TYMS: variants seen among roughly 807,000 people sequenced by gnomAD.
TYMS encodes the protein thymidylate synthetase, also known as thymidylate synthase.
Under a neutral mutation model 39.3 loss-of-function variants are expected in TYMS, and 21 were observed. That is an observed-to-expected ratio of 0.54 (90% CI 0.38 to 0.77). The LOEUF is 0.77. TYMS is among the 30% of genes least tolerant of loss of function. The pLI is 0.00. For synonymous variants in TYMS, 171 were observed against 162.2 expected, an observed-to-expected ratio of 1.05 and a Z score of -0.41; for missense variants, 273 against 406.7, an observed-to-expected ratio of 0.67 and a Z score of 2.83.
In TYMS at chr18:657,836, C is replaced by G. The variant is rs1034044510; in HGVS notation, c.94C>G (p.Gln32Glu). 5 of 1,488,360 alleles carry G rather than the reference C, an allele frequency of 3.4e-6. No individual in the cohort carries two copies. The highest frequency in any genetic ancestry group is 5.1e-5 in the Admixed American group (2 of 38,946). The allele number at this position is 1,488,360 out of a possible 1,614,324, so 92.2% of individuals were successfully genotyped here. A position where few individuals can be genotyped will look rare whatever the true frequency, so the allele number is the denominator to read the frequency against. Residue 32 changes from glutamine to glutamate, a missense_variant, in exon 1 of 7, where the codon CAG becomes GAG. Gln to Glu is a conservative substitution (Grantham distance 29). Coordinates refer to ENST00000323274, the MANE Select transcript of TYMS (RefSeq NM_001071.4). ...GCCGCGTCCGCCGCACGGGGAGCTG[C>G]AGTACCTGGGGCAGATCCAACACAT... ...AEPRPPHGEL[Q>E]YLGQIQHILR...
In TYMS at chr18:657,889, C is replaced by T; in HGVS notation, c.147C>T (p.Asp49=). ...TCCGCTGCGGCGTCAGGAAGGACGA[C>T]CGCACGGGCACCGGCACCCTGTCGG... The part of the protein sequence containing the change: ...HILRCGVRKD[D]RTGTGTLSVF... Residue 49 remains aspartate (D), a synonymous_variant, in exon 1 of 7, where the codon GAC becomes GAT. Coordinates refer to ENST00000323274, the MANE Select transcript of TYMS (RefSeq NM_001071.4). 2.0e-6 allele frequency: 3 copies of T among 1,512,680 alleles called. No homozygotes were observed. Among genetic ancestry groups the T allele is most frequent in the African/African-American group, 1.4e-5 (1 of 70,850 alleles). 93.7% of individuals were successfully genotyped at this position (1,512,680 alleles called of 1,614,324 possible).
Position 673,158 on chromosome 18 carries a change from G to GT in TYMS, c.*162dup, listed in dbSNP as rs2144427713. The GT allele has an allele frequency of 2.8e-6, 2 of 703,620 alleles. No individual in the cohort carries two copies. Among genetic ancestry groups the GT allele is most frequent in the Non-Finnish European group, 4.3e-6 (2 of 461,312 alleles). 43.6% of individuals were successfully genotyped at this position (703,620 alleles called of 1,614,324 possible). On this transcript the variant is annotated 3_prime_UTR_variant, in exon 7 of 7. Coordinates refer to ENST00000323274, the MANE Select transcript of TYMS (RefSeq NM_001071.4). ...TTTAAGGATGTTGCCACTGGCAAAT[G>GT]TAACTGTGCCAGTTCTTTCCATAAT...
At chr18:659,828 C>A in intron 2 of TYMS, 114 bp downstream of exon 2, 4 of 948,036 alleles carry the variant, frequency 4.2e-6, no homozygotes, top group Non-Finnish European at 6.8e-6. Flanking sequence ...GTAATCCCAC[C>A]ACTTTGGGAG....
intron 3 of TYMS, among the ~76,000 whole-genome samples, chr18:665,881 A>G (rs2074807350): frequency 1.0e-5 from 1 of 97,774 alleles, no homozygotes; most frequent in African/African-American, 6.7e-5. Flanking sequence ...TCTGAGAGAT[A>G]GTTTGTTATA....
chr18:670,526 G>C, intron 4 of TYMS, 166 bp from the exon 5 acceptor site: 6 of 665,416 alleles, frequency 9.0e-6, no homozygotes, highest in Non-Finnish European at 1.5e-5. Flanking sequence ...CCTCAGCTCC[G>C]TGCCATCGCT....
intron 2 of TYMS, 93 bp from the exon 3 acceptor site, chr18:662,053 C>T (rs1026903614): frequency 2.0e-5 from 28 of 1,372,548 alleles, no homozygotes; most frequent in Non-Finnish European, 2.7e-5. Context: ...TCAGCAGGGG[C>T]CAGAGGCCCT....
At position 660,158 on chromosome 18, in the gene TYMS, G is replaced by A. The variant is rs939007950; in HGVS notation, c.279+444G>A. On this transcript the variant is annotated intron_variant, in intron 2 of 6. Coordinates refer to ENST00000323274, the MANE Select transcript of TYMS (RefSeq NM_001071.4). The surrounding 1 kb of genome is among the most constrained non-coding windows in gnomAD (Gnocchi z 4.6). Reference sequence around the variant, plus strand: ...CTCCATTTCACTCAGTAAGAGCCACGGTCCTTATGGTGTCCGTTTTTCAGC... The same window carrying A: ...CTCCATTTCACTCAGTAAGAGCCACAGTCCTTATGGTGTCCGTTTTTCAGC... Among the ~76,000 whole-genome samples the A allele has an allele frequency of 6.6e-5, 10 of 152,254 alleles. No homozygotes were observed. The East Asian group carries it at 9.7e-4, about 15-fold the overall frequency.
chr18:667,565 T>A lies in TYMS; in HGVS notation c.455-1507T>A, dbSNP rs201179564. Among the ~76,000 whole-genome samples the A allele has an allele frequency of 2.3e-3, 139 of 60,260 alleles. 18 individuals are homozygous for A. The highest frequency in any genetic ancestry group is 3.7e-3 in the Admixed American group (23 of 6,244). The allele number at this position is 60,260 out of a possible 152,430, so 39.5% of individuals were successfully genotyped here. On this transcript the variant is annotated intron_variant, in intron 3 of 6. Coordinates refer to ENST00000323274, the MANE Select transcript of TYMS (RefSeq NM_001071.4). ...GTGATGGTGATGGAGATGGTGATGG[T>A]GATGGAGATGGTGATGGTGATGGTG...
intron 3 of TYMS, among the ~76,000 whole-genome samples, chr18:666,974 GA>G (rs111482058): frequency 5.8e-4 from 5 of 8,622 alleles, no homozygotes; most frequent in Non-Finnish European, 1.3e-3. Context: ...GATGGTGATG[GA>G]GATGGAGATG....
intron 3 of TYMS, among the ~76,000 whole-genome samples, chr18:665,209 C>G (rs1334895734): frequency 9.3e-5 from 14 of 150,994 alleles, no homozygotes. Context: ...TGTTATTGGT[C>G]TATTCAGAGA....
intron 3 of TYMS, among the ~76,000 whole-genome samples, chr18:666,933 T>TGATGGTGATGGCGATGGA (rs2074834441): frequency 2.1e-5 from 1 of 47,788 alleles, no homozygotes; most frequent in African/African-American, 7.7e-5. Context: ...ATGGTGATGG[T>TGATGGTGATGGCGATGGA]GATGGAGATG....
In TYMS at chr18:669,100, G is replaced by A; in HGVS notation, c.483G>A (p.Leu161=). The A allele has an allele frequency of 6.2e-7, 1 of 1,614,208 alleles. No homozygotes were observed. Among genetic ancestry groups the A allele is most frequent in the Non-Finnish European group, 8.5e-7 (1 of 1,180,012 alleles). Residue 161 remains leucine, a synonymous_variant, in exon 4 of 7, where the codon CTG becomes CTA. Transcript: ENST00000323274. ...ATTCAGGACAGGGAGTTGACCAACT[G>A]CAAAGAGTGATTGACACCATCAAAA... ...SDYSGQGVDQ[L]QRVIDTIKTN...
intron 3 of TYMS, among the ~76,000 whole-genome samples, chr18:666,364 G>A (rs2074816064): frequency 6.6e-6 from 1 of 152,040 alleles, no homozygotes; most frequent in Non-Finnish European, 1.5e-5. Flanking sequence ...CTGCTGTGAA[G>A]CGCAGTGCCA....
chr18:666,495 CCT>C (rs945804533), intron 3 of TYMS, among the ~76,000 whole-genome samples: 1 of 152,104 alleles, frequency 6.6e-6, no homozygotes, highest in Admixed American at 6.5e-5. Flanking sequence ...GAGCCCAGCC[CCT>C]CCCACCTGTC....
In TYMS at chr18:658,389, G is replaced by T; in HGVS notation, c.205+442G>T. Reference sequence around the variant, plus strand: ...CTTCGCAGCGTTTTCAAAAACTGGAGCGAAAGTGATGTGGGCGGGGCAAAG... The same window carrying T: ...CTTCGCAGCGTTTTCAAAAACTGGATCGAAAGTGATGTGGGCGGGGCAAAG... On this transcript the variant is annotated intron_variant, in intron 1 of 6. Coordinates refer to ENST00000323274, the MANE Select transcript of TYMS (RefSeq NM_001071.4). The surrounding 1 kb of genome is among the most constrained non-coding windows in gnomAD (Gnocchi z 4.5). 8.0e-7 allele frequency: 1 copy of T among 1,256,726 alleles called. No individual in the cohort carries two copies. The highest frequency in any genetic ancestry group is 1.0e-6 in the Non-Finnish European group (1 of 966,922). 77.8% of individuals were successfully genotyped at this position (1,256,726 alleles called of 1,614,324 possible). A position where few individuals can be genotyped will look rare whatever the true frequency, so the allele number is the denominator to read the frequency against.
Position 669,067 on chromosome 18 carries a change from T to A in TYMS, c.455-5T>A. ...ACCTGTCCTCTCTTTTTGACAATTCTACAGATTATTCAGGACAGGGAGTTG... is the reference window on the plus strand; with the variant it reads ...ACCTGTCCTCTCTTTTTGACAATTCAACAGATTATTCAGGACAGGGAGTTG... On this transcript the variant is annotated splice_polypyrimidine_tract_variant and splice_region_variant and intron_variant, in intron 3 of 6. Transcript: ENST00000323274. 1 of 1,612,844 alleles carries A rather than the reference T, an allele frequency of 6.2e-7. No homozygotes were observed. Among genetic ancestry groups the A allele is most frequent in the Non-Finnish European group, 8.5e-7 (1 of 1,178,832 alleles).
intron 1 of TYMS, among the ~76,000 whole-genome samples, chr18:659,120 G>C (rs2074728619): frequency 6.6e-6 from 1 of 152,132 alleles, no homozygotes; most frequent in South Asian, 2.1e-4. Flanking sequence ...TGCTTAGTAG[G>C]CAATTCTGAT....
intron 3 of TYMS, among the ~76,000 whole-genome samples, chr18:664,780 T>C (rs966002396): frequency 1.5e-4 from 22 of 150,402 alleles, no homozygotes; most frequent in African/African-American, 5.4e-4. Flanking sequence ...GATAATCATG[T>C]GGTTTTTGTC....
In TYMS at chr18:667,101, A is replaced by AGATGGAGATGGTGATGGTGATGGT. The variant is rs1567990010; in HGVS notation, c.455-1941_455-1918dup. On this transcript the variant is annotated intron_variant, in intron 3 of 6. Transcript: ENST00000323274. The stretch of plus-strand genomic sequence containing the variant: ...GAGATGGTGATGGTGATGGAGATGG[A>AGATGGAGATGGTGATGGTGATGGT]GATGGAGATGGTGATGGTGATGGTG... Among the ~76,000 whole-genome samples the AGATGGAGATGGTGATGGTGATGGT allele has an allele frequency of 1.1e-3, 21 of 18,296 alleles. 1 individual carries two copies. Among genetic ancestry groups the AGATGGAGATGGTGATGGTGATGGT allele is most frequent in the Admixed American group, 1.8e-3 (3 of 1,706 alleles). The allele number at this position is 18,296 out of a possible 152,430, so 12.0% of individuals were successfully genotyped here. A position where few individuals can be genotyped will look rare whatever the true frequency, so the allele number is the denominator to read the frequency against.
Sources: gnomAD v4.1 joint callset for allele counts (sites outside exome capture counted in the v4.1 genomes callset) on GRCh38, gnomAD v4.1.1 for gene constraint, Gnocchi (gnomAD v3.1) non-coding constraint, MANE v1.5 for transcripts, NCBI Gene and HGNC (gene_info 2026-07-23, HGNC 2026-07-21) for gene names.